Variants in MEGF9 observed in about 807,000 individuals in gnomAD.
The protein encoded by MEGF9 is multiple epidermal growth factor-like domains protein 9.
MEGF9 carries 6 observed loss-of-function variants against 46.8 expected under a neutral mutation model. That is an observed-to-expected ratio of 0.13 (90% CI 0.07 to 0.25). The LOEUF (loss-of-function observed/expected upper bound fraction) is 0.25, where lower values mean the gene tolerates loss of function less well. Ranked by LOEUF, MEGF9 falls within the 10% of genes least tolerant of loss-of-function variation. The pLI is 1.00. For missense variants in MEGF9, 683 were observed against 792.4 expected, an observed-to-expected ratio of 0.86 and a Z score of 1.66; for synonymous variants, 302 against 330.7, an observed-to-expected ratio of 0.91 and a Z score of 0.94.
rs566202213 is a variant in MEGF9, at chr9:120,714,138, G to T, written c.221C>A (p.Thr74Lys). 3.1e-5 allele frequency: 38 copies of T among 1,236,812 alleles called. No individual in the cohort carries two copies. The East Asian group carries it at 1.2e-3, about 38-fold the overall frequency. The allele number at this position is 1,236,812 out of a possible 1,614,324, so 76.6% of individuals were successfully genotyped here. A position where few individuals can be genotyped will look rare whatever the true frequency, so the allele number is the denominator to read the frequency against. The stretch of plus-strand genomic sequence containing the variant: ...GGGCCCGGTCCTCGGGGCCTGGGCC[G>T]TGGGAGCCGTCGCCCTAGGGAAGGG... ...SHPFPRATAPTAQAPRTGPPR... is the reference protein window; with the variant it reads ...SHPFPRATAPKAQAPRTGPPR... The change falls in exon 1 of 6, where the codon ACG becomes AAG. Residue 74 changes from threonine (T) to lysine (K), a missense_variant. This residue lies in a region of MEGF9 where 370 missense variants were observed against 371.3 expected (regional missense o/e 1.00). Transcript: ENST00000373930.
chr9:120,636,658 GT>G (rs1321797561), intron 2 of MEGF9, among the ~76,000 whole-genome samples: 1 of 152,054 alleles, frequency 6.6e-6, no homozygotes, highest in Non-Finnish European at 1.5e-5. Context: ...TTCCTTCACT[GT>G]TTTTTTTAAA....
intron 2 of MEGF9, among the ~76,000 whole-genome samples, chr9:120,626,926 G>A (rs7357638): frequency 0.69 from 104,191 of 152,002 alleles, 35,911 homozygotes; most frequent in South Asian, 0.75. Flanking sequence ...AGCAACTATG[G>A]ACATGATGAC....
intron 3 of MEGF9, among the ~76,000 whole-genome samples, chr9:120,615,396 C>G (rs1195222507): frequency 1.3e-5 from 2 of 151,082 alleles, no homozygotes; most frequent in Admixed American, 6.6e-5. Context: ...TTTTACTATT[C>G]TAAATAAGAC....
chr9:120,619,410 T>G (rs973253552), intron 3 of MEGF9, among the ~76,000 whole-genome samples: 7 of 152,212 alleles, frequency 4.6e-5, no homozygotes, highest in Non-Finnish European at 7.3e-5. Flanking sequence ...CATTTACTGA[T>G]TACTTGTGAT....
chr9:120,664,214 C>A (rs2043715321), intron 1 of MEGF9, among the ~76,000 whole-genome samples: 1 of 152,074 alleles, frequency 6.6e-6, no homozygotes, highest in South Asian at 2.1e-4. Context: ...ACCTGGTAGG[C>A]TCTCTCTTCA....
intron 5 of MEGF9, among the ~76,000 whole-genome samples, chr9:120,606,420 C>T (rs893814472): frequency 2.0e-5 from 3 of 151,968 alleles, no homozygotes; most frequent in Non-Finnish European, 2.9e-5. Context: ...GAAAACTATA[C>T]CTCTAGTTAT....
Position 120,607,575 on chromosome 9 carries a change from A to G in MEGF9, c.1357+166T>C, listed in dbSNP as rs191849843. On this transcript the variant is annotated intron_variant, in intron 5 of 5. Coordinates refer to ENST00000373930, the MANE Select transcript of MEGF9 (RefSeq NM_001080497.3). ...CTCAAATTTCTGGAGTTGACTGTGG[A>G]GTGTCAGAAGAGCAGCAGGAATGGA... 5.3e-5 allele frequency among the ~76,000 whole-genome samples: 8 copies of G among 152,330 alleles called. 1 individual carries two copies. In the South Asian group the frequency reaches 1.7e-3, roughly 32 times the overall value.
At chr9:120,704,264 G>A (rs920549461) in intron 1 of MEGF9, among the ~76,000 whole-genome samples, 3 of 151,994 alleles carry the variant, frequency 2.0e-5, no homozygotes, top group African/African-American at 4.8e-5. Flanking sequence ...AACCTATGAG[G>A]CAGAGGTTGC....
chr9:120,666,009 T>C (rs973735880), intron 1 of MEGF9, among the ~76,000 whole-genome samples: 3 of 152,214 alleles, frequency 2.0e-5, no homozygotes, highest in African/African-American at 4.8e-5. Flanking sequence ...TTTTGTAGTA[T>C]ATTTTGAAGT....
At chr9:120,660,526 A>G (rs1408410229) in intron 1 of MEGF9, among the ~76,000 whole-genome samples, 3 of 151,004 alleles carry the variant, frequency 2.0e-5, no homozygotes, top group Non-Finnish European at 3.0e-5. Context: ...CATTCTTTCT[A>G]TTTTTTTTTG....
rs74313276 is a variant in MEGF9 at position 120,687,782 on chromosome 9, T to TA, written c.601+25975dup. ...TGGGTAGGGAAGAAAGAAAAAGAGATAAAAAAAAAAAAAAAGAACACCAGG... is the reference window on the plus strand; with the variant it reads ...TGGGTAGGGAAGAAAGAAAAAGAGATAAAAAAAAAAAAAAAAGAACACCAGG... On this transcript the variant is annotated intron_variant, in intron 1 of 5. Transcript: ENST00000373930. 4.6e-3 allele frequency among the ~76,000 whole-genome samples: 371 copies of TA among 80,862 alleles called. 1 individual carries two copies. Among genetic ancestry groups the TA allele is most frequent in the South Asian group, 0.011 (28 of 2,638 alleles). The allele number at this position is 80,862 out of a possible 152,430, so 53.0% of individuals were successfully genotyped here.
intron 1 of MEGF9, among the ~76,000 whole-genome samples, chr9:120,674,364 C>T (rs2043763527): frequency 6.6e-6 from 1 of 152,062 alleles, no homozygotes; most frequent in Non-Finnish European, 1.5e-5. Flanking sequence ...ATATGTACGA[C>T]AAATAAGCAC....
intron 2 of MEGF9, among the ~76,000 whole-genome samples, chr9:120,625,227 T>C (rs2043518916): frequency 1.3e-5 from 2 of 152,232 alleles, no homozygotes; most frequent in African/African-American, 4.8e-5. Flanking sequence ...GCCCACTGCC[T>C]AGGCAGAGCT....
chr9:120,676,243 G>A (rs1463386781), intron 1 of MEGF9, among the ~76,000 whole-genome samples: 1 of 152,092 alleles, frequency 6.6e-6, no homozygotes, highest in Non-Finnish European at 1.5e-5. Flanking sequence ...TGGGCAACAT[G>A]GCAAAACCGG....
In MEGF9 at chr9:120,628,955, A is replaced by C. The variant is rs1352535103; in HGVS notation, c.804-6200T>G. 2.0e-5 allele frequency among the ~76,000 whole-genome samples: 3 copies of C among 151,606 alleles called. No individual in the cohort carries two copies. In the East Asian group the frequency reaches 5.8e-4, roughly 29 times the overall value. The stretch of plus-strand genomic sequence containing the variant: ...TGAAAACTTTTCTCATGAGTACAAC[A>C]CTCCAGTCATGATGACTTTGTTTTG... On this transcript the variant is annotated intron_variant, in intron 2 of 5. Coordinates refer to ENST00000373930, the MANE Select transcript of MEGF9 (RefSeq NM_001080497.3).
chr9:120,617,276 C>T (rs1564412907), intron 3 of MEGF9, among the ~76,000 whole-genome samples: 1 of 152,090 alleles, frequency 6.6e-6, no homozygotes, highest in Admixed American at 6.5e-5. Flanking sequence ...AATTCAGGGA[C>T]AAAACATTGA....
intron 1 of MEGF9, among the ~76,000 whole-genome samples, chr9:120,707,057 T>C (rs543147431): frequency 2.6e-5 from 4 of 152,330 alleles, no homozygotes; most frequent in Non-Finnish European, 4.4e-5. Context: ...GGTTTGAATG[T>C]AGGTTCTGCC....
chr9:120,619,277 G>C (rs996988810), intron 3 of MEGF9, among the ~76,000 whole-genome samples: 2 of 151,806 alleles, frequency 1.3e-5, no homozygotes, highest in African/African-American at 4.8e-5. Flanking sequence ...AACCCAGGAG[G>C]TGGAGGTTGC....
At chr9:120,651,755 C>T (rs1419306855) in intron 2 of MEGF9, among the ~76,000 whole-genome samples, 12 of 150,968 alleles carry the variant, frequency 7.9e-5, no homozygotes, top group African/African-American at 2.4e-4. Flanking sequence ...CCGGTTCAAG[C>T]GATTCTCCTG....
Sources: allele counts gnomAD v4.1 joint callset (sites outside exome capture counted in the v4.1 genomes callset), GRCh38; gene constraint gnomAD v4.1.1; regional missense constraint gnomAD v4.1.1; transcripts MANE v1.5; gene names NCBI Gene and HGNC (gene_info 2026-07-23, HGNC 2026-07-21).